ZNF10: variants seen among roughly 807,000 people sequenced by gnomAD.
The protein encoded by ZNF10 is zinc finger protein 10, also known as zinc finger protein 10 (KOX 1).
Under a neutral mutation model 12.2 loss-of-function variants are expected in ZNF10, and 8 were observed. That is an observed-to-expected ratio of 0.66 (90% CI 0.39 to 1.18). The LOEUF (loss-of-function observed/expected upper bound fraction) is 1.18, where lower values mean the gene tolerates loss of function less well. ZNF10 is among the 50% of genes most tolerant of loss of function. ZNF10 has a pLI of 0.01. For synonymous variants in ZNF10, 229 were observed against 228.2 expected (o/e 1.00, Z -0.03); for missense variants, 603 against 678.9 (o/e 0.89, Z 1.24).
Position 133,156,122 on chromosome 12 carries a change from C to G in ZNF10, c.876C>G (p.Pro292=), listed in dbSNP as rs17852192. ...RHQLIHTGEK[P]YECKECGKSF... ...AGCTTATTCATACTGGAGAAAAACC[C>G]TATGAGTGTAAAGAATGTGGAAAGT... The change falls in exon 5 of 5, where the codon CCC becomes CCG. Residue 292 remains proline (P), a synonymous_variant. Transcript: ENST00000248211. 6.2e-7 allele frequency: 1 copy of G among 1,613,484 alleles called. No individual in the cohort carries two copies.
chr12:133,147,051 C>T (rs1044383524), intron 2 of ZNF10, among the ~76,000 whole-genome samples: 2 of 152,100 alleles, frequency 1.3e-5, no homozygotes, highest in African/African-American at 2.4e-5. Flanking sequence ...CATAATGTAT[C>T]GGAGGTTCAT....
chr12:133,144,668 A>G, intron 2 of ZNF10, 143 bp downstream of exon 2: 1 of 766,164 alleles, frequency 1.3e-6, no homozygotes, highest in Non-Finnish European at 2.1e-6. Flanking sequence ...GTTAGGAAGA[A>G]GACAGATCAC....
At chr12:133,138,356 T>C (rs1227036181) in intron 1 of ZNF10, among the ~76,000 whole-genome samples, 1 of 150,930 alleles carries the variant, frequency 6.6e-6, no homozygotes, top group Non-Finnish European at 1.5e-5. Flanking sequence ...ATTGAAAATT[T>C]ATTAGTGACC....
At chr12:133,154,118 G>T (rs1253920377) in intron 4 of ZNF10, among the ~76,000 whole-genome samples, 2 of 150,528 alleles carry the variant, frequency 1.3e-5, no homozygotes, top group African/African-American at 2.4e-5. Flanking sequence ...CTTTTTGTCG[G>T]CGGGGGGGAT....
intron 1 of ZNF10, among the ~76,000 whole-genome samples, chr12:133,142,662 A>G (rs1955952963): frequency 1.3e-5 from 2 of 152,194 alleles, no homozygotes; most frequent in South Asian, 4.1e-4. Flanking sequence ...CATCCTTACT[A>G]GGATGGCTGT....
intron 4 of ZNF10, among the ~76,000 whole-genome samples, chr12:133,155,089 AAGAG>A (rs916920729): frequency 3.4e-4 from 51 of 152,184 alleles, no homozygotes; most frequent in Middle Eastern, 6.8e-3. Context: ...AAAAAAAAAA[AAGAG>A]AGAGAATACT....
intron 1 of ZNF10, among the ~76,000 whole-genome samples, chr12:133,138,404 T>C (rs938292504): frequency 2.0e-5 from 3 of 150,600 alleles, no homozygotes; most frequent in African/African-American, 4.9e-5. Context: ...AAAAAAAAAT[T>C]AGCCAAGTAC....
chr12:133,144,485 A>G lies in ZNF10; in HGVS notation c.-8A>G. ...ACTCAAGGAAGTATCATCAAGAACA[A>G]GGAGGGCATGGATGCTAAGTCACTA... On this transcript the variant is annotated 5_prime_UTR_variant, in exon 2 of 5. Coordinates refer to ENST00000248211, the MANE Select transcript of ZNF10 (RefSeq NM_015394.5). 6.2e-7 allele frequency: 1 copy of G among 1,613,866 alleles called. No individual in the cohort carries two copies. Among genetic ancestry groups the G allele is most frequent in the East Asian group, 2.2e-5 (1 of 44,858 alleles).
At chr12:133,144,780 A>G in intron 2 of ZNF10, 1 of 491,806 alleles carries the variant, frequency 2.0e-6, no homozygotes, top group Non-Finnish European at 3.7e-6. Flanking sequence ...ACAGAATGGA[A>G]TGAGATTAGT....
chr12:133,131,282 A>G (rs1180194777), intron 1 of ZNF10, among the ~76,000 whole-genome samples: 2 of 151,994 alleles, frequency 1.3e-5, no homozygotes, highest in Non-Finnish European at 2.9e-5. Flanking sequence ...TTTTATTTTC[A>G]GAGACAGATC....
chr12:133,148,659 C>G (rs1182329711), intron 2 of ZNF10, among the ~76,000 whole-genome samples: 1 of 151,374 alleles, frequency 6.6e-6, no homozygotes, highest in Non-Finnish European at 1.5e-5. Context: ...TACAGCCACT[C>G]TAGCTTTTGT....
intron 1 of ZNF10, among the ~76,000 whole-genome samples, chr12:133,140,108 C>T (rs1017115476): frequency 1.4e-5 from 2 of 141,728 alleles, no homozygotes; most frequent in Non-Finnish European, 1.5e-5. Context: ...GAGGCTGAGG[C>T]GGGAGGATCA....
intron 3 of ZNF10, 68 bp downstream of exon 3, chr12:133,151,222 A>G (rs1476653042): frequency 4.0e-6 from 6 of 1,503,768 alleles, no homozygotes; most frequent in Non-Finnish European, 4.5e-6. Context: ...ACCCTGAAGC[A>G]TGTATCACAC....
Position 133,144,520 on chromosome 12 carries a change from T to G in ZNF10, c.28T>G (p.Ser10Ala), listed in dbSNP as rs1448360321. The G allele has an allele frequency of 2.5e-6, 4 of 1,613,942 alleles. No homozygotes were observed. The highest frequency in any genetic ancestry group is 2.5e-6 in the Non-Finnish European group (3 of 1,179,898). Residue 10 changes from serine to alanine, a missense_variant, in exon 2 of 5, where the codon TCC becomes GCC. By Grantham distance (99) the Ser-to-Ala change is moderately conservative. This residue lies in a region of ZNF10 where 393 missense variants were observed against 399.7 expected (regional missense o/e 0.98). Transcript: ENST00000248211. ...GGATGCTAAGTCACTAACTGCCTGG[T>G]CCCGGGTAAGCTGGGCTTTCTTCCC... MDAKSLTAW[S>A]RTLVTFKDVF...
At chr12:133,141,026 G>A (rs1249352155) in intron 1 of ZNF10, among the ~76,000 whole-genome samples, 1 of 152,114 alleles carries the variant, frequency 6.6e-6, no homozygotes. Flanking sequence ...TTCACATAGG[G>A]CTGAGAAGAG....
Position 133,157,059 on chromosome 12 carries a change from A to C in ZNF10, c.*91A>C, listed in dbSNP as rs981747909. On this transcript the variant is annotated 3_prime_UTR_variant, in exon 5 of 5. Transcript: ENST00000248211. ...GCTGTACAAATTGAATCTATGTGGA[A>C]ATGCTTTCAGTCTTGTTACTATCCT... The C allele has an allele frequency of 8.3e-7, 1 of 1,201,826 alleles. No homozygotes were observed. The highest frequency in any genetic ancestry group is 1.6e-5 in the African/African-American group (1 of 63,738). The allele number at this position is 1,201,826 out of a possible 1,614,324, so 74.4% of individuals were successfully genotyped here.
Position 133,156,912 on chromosome 12 carries a change from A to G in ZNF10, c.1666A>G (p.Asn556Asp), listed in dbSNP as rs1956046328. ...CAATCAATGTGGGACAGCGCTTGTT[A>G]ATACCTCTAACCTTATTGGATACCA... ...TCNQCGTALVNTSNLIGYQTN... is the reference protein window; with the variant it reads ...TCNQCGTALVDTSNLIGYQTN... Residue 556 changes from asparagine to aspartate, a missense_variant, in exon 5 of 5, where the codon AAT becomes GAT. Transcript: ENST00000248211. 1 of 1,506,964 alleles carries G rather than the reference A, an allele frequency of 6.6e-7. No individual in the cohort carries two copies. Among genetic ancestry groups the G allele is most frequent in the African/African-American group, 1.4e-5 (1 of 71,434 alleles). 93.3% of individuals were successfully genotyped at this position (1,506,964 alleles called of 1,614,324 possible).
intron 1 of ZNF10, among the ~76,000 whole-genome samples, chr12:133,142,820 A>G (rs1955954113): frequency 2.0e-5 from 3 of 152,246 alleles, no homozygotes; most frequent in Admixed American, 2.0e-4. Context: ...ATAAAACCAT[A>G]TGACCCAGCT....
chr12:133,132,062 TG>T (rs1164407737), intron 1 of ZNF10, among the ~76,000 whole-genome samples: 1 of 152,212 alleles, frequency 6.6e-6, no homozygotes, highest in East Asian at 1.9e-4. Flanking sequence ...ATAGATTGAT[TG>T]CCGTCCTCAA....
Sources: allele counts gnomAD v4.1 joint callset (sites outside exome capture counted in the v4.1 genomes callset), GRCh38; gene constraint gnomAD v4.1.1; regional missense constraint gnomAD v4.1.1; transcripts MANE v1.5; gene names NCBI Gene and HGNC (gene_info 2026-07-23, HGNC 2026-07-21).